C11orf71: variants seen among roughly 807,000 people sequenced by gnomAD.
C11orf71 encodes the protein uncharacterized protein C11orf71.
For missense variants in C11orf71, 179 were observed against 167.6 expected, an observed-to-expected ratio of 1.07 and a Z score of -0.38; for synonymous variants, 72 against 73.4, an observed-to-expected ratio of 0.98 and a Z score of 0.09.
chr11:114,391,840 T>C (rs1331524616), intron 1 of C11orf71, among the ~76,000 whole-genome samples: 1 of 151,874 alleles, frequency 6.6e-6, no homozygotes, highest in Non-Finnish European at 1.5e-5. Context: ...TATTATGTTG[T>C]TTTAAAACAT....
chr11:114,392,529 CAAAAAAAAAA>C (rs386374967), intron 1 of C11orf71, among the ~76,000 whole-genome samples: 1 of 51,688 alleles, frequency 1.9e-5, no homozygotes, highest in Non-Finnish European at 3.4e-5. Context: ...TAGAATGAGA[CAAAAAAAAAA>C]AAAAAAAAAA....
In C11orf71 at chr11:114,399,882, C is replaced by A. The variant is rs3741302; in HGVS notation, c.*78G>T. The A allele has an allele frequency of 0.42, 623,020 of 1,471,244 alleles. 133,451 individuals carry two copies. The highest frequency in any genetic ancestry group is 0.5 in the South Asian group (35,098 of 70,772). 91.1% of individuals were successfully genotyped at this position (1,471,244 alleles called of 1,614,324 possible). On this transcript the variant is annotated 3_prime_UTR_variant, in exon 1 of 1. Coordinates refer to ENST00000623205, the MANE Select transcript of C11orf71 (RefSeq NM_001271562.2). ...ACATCCATCTAAAAATAAAACAACA[C>A]GATTGCTGCTACACCAAGAAAGGAT...
downstream of C11orf71, among the ~76,000 whole-genome samples, chr11:114,394,272 C>CTTTTCTTTT: frequency 1.5e-5 from 1 of 64,570 alleles, no homozygotes; most frequent in Non-Finnish European, 2.8e-5. Context: ...CTTTTCTTTT[C>CTTTTCTTTT]TTTTCTTTTC....
chr11:114,394,294 T>TCTC (rs1449247620), downstream of C11orf71, among the ~76,000 whole-genome samples: 1,500 of 41,260 alleles, frequency 0.036, 138 homozygotes, highest in East Asian at 0.096. Context: ...TTTCTCTTAT[T>TCTC]TTCTTTTCTT....
chr11:114,400,029 G>C lies in C11orf71; in HGVS notation c.303C>G (p.Leu101=), dbSNP rs1396632205. Residue 101 remains leucine (L), a synonymous_variant, in exon 1 of 1, where the codon CTC becomes CTG. Transcript: ENST00000623205. ...AACGCTGTTGCAGCACACTTCTTAG[G>C]AGATCGGGTTCAACGGCAGGGATTG... ...PYPIPAVEPD[L]LRSVLQQRLI... The C allele has an allele frequency of 6.2e-7, 1 of 1,614,038 alleles. No individual in the cohort carries two copies. Among genetic ancestry groups the C allele is most frequent in the Admixed American group, 1.7e-5 (1 of 60,034 alleles).
In C11orf71 at chr11:114,400,334, T is replaced by G. The variant is rs368055793; in HGVS notation, c.-3A>C. The G allele has an allele frequency of 5.1e-4, 823 of 1,598,828 alleles. 8 individuals carry two copies. In the South Asian group the frequency reaches 6.8e-3, roughly 13 times the overall value. The stretch of plus-strand genomic sequence containing the variant: ...AGGGACACATTGTTCAGGGCCATAT[T>G]CAAACACTGCCCGCAGTACTTGCGT... On this transcript the variant is annotated 5_prime_UTR_variant, in exon 1 of 1. Transcript: ENST00000623205.
rs1290114536 is a variant in C11orf71, at chr11:114,393,392, A to C, written c.344-1727T>G. Among the ~76,000 whole-genome samples, 4 of 152,250 alleles carry C rather than the reference A, an allele frequency of 2.6e-5. No homozygotes were observed. In the East Asian group the frequency reaches 7.7e-4, roughly 29 times the overall value. ...AGTCCATTTAACTCTGCAATTGAGG[A>C]GCTTCTACTTCAATCGGAAGCAATT... On this transcript the variant is annotated intron_variant, in intron 1 of 1. Transcript: ENST00000325636.
chr11:114,399,980 CG>C lies in C11orf71; in HGVS notation c.351del (p.Ile117MetfsTer20). 3 of 1,601,366 alleles carry C rather than the reference CG, an allele frequency of 1.9e-6. No individual in the cohort carries two copies. The highest frequency in any genetic ancestry group is 2.6e-6 in the Non-Finnish European group (3 of 1,169,972). On this transcript the variant is annotated frameshift_variant, in exon 1 of 1. Coordinates refer to ENST00000623205, the MANE Select transcript of C11orf71 (RefSeq NM_001271562.2). LOFTEE classifies it high-confidence loss of function. ...TTCGTTTAAACTGAAATTCGAGCTG[CG>C]ATAACACCTCCTAATGCAATCAAAC... Reference protein sequence around the residue: ...QQRLIALGGVIAARISV With the variant: ...QQRLIALGGVXAARISV
chr11:114,394,179 G>GTTTCGTTTCTTTTCT (rs1946095549), downstream of C11orf71, among the ~76,000 whole-genome samples: 3 of 80,286 alleles, frequency 3.7e-5, no homozygotes, highest in Admixed American at 1.4e-4. Context: ...ACGGGGTTTC[G>GTTTCGTTTCTTTTCT]TTTCTTTTCT....
At position 114,400,404 on chromosome 11, in the gene C11orf71, G is replaced by A; in HGVS notation, c.-73C>T. The A allele has an allele frequency of 1.3e-6, 2 of 1,489,720 alleles. No individual in the cohort carries two copies. Among genetic ancestry groups the A allele is most frequent in the Non-Finnish European group, 1.8e-6 (2 of 1,117,378 alleles). 92.3% of individuals were successfully genotyped at this position (1,489,720 alleles called of 1,614,324 possible). A position where few individuals can be genotyped will look rare whatever the true frequency, so the allele number is the denominator to read the frequency against. On this transcript the variant is annotated 5_prime_UTR_variant, in exon 1 of 1. Coordinates refer to ENST00000623205, the MANE Select transcript of C11orf71 (RefSeq NM_001271562.2). Reference sequence around the variant, plus strand: ...AGGCCCTTCGCGGCTCCCCAGATCAGTCCAGCCTGTGTCGGACCCGATGAC... The same window carrying A: ...AGGCCCTTCGCGGCTCCCCAGATCAATCCAGCCTGTGTCGGACCCGATGAC...
chr11:114,399,904 G>C lies in C11orf71; in HGVS notation c.*56C>G. On this transcript the variant is annotated 3_prime_UTR_variant, in exon 1 of 1. Transcript: ENST00000623205. ...ACACGATTGCTGCTACACCAAGAAA[G>C]GATTTTAAAAAGGCCTGTTCACAAG... 6.6e-7 allele frequency: 1 copy of C among 1,511,386 alleles called. No homozygotes were observed. The highest frequency in any genetic ancestry group is 8.8e-7 in the Non-Finnish European group (1 of 1,132,300). The allele number at this position is 1,511,386 out of a possible 1,614,324, so 93.6% of individuals were successfully genotyped here.
Position 114,398,970 on chromosome 11 carries a change from AT to A in C11orf71, c.*989del, listed in dbSNP as rs1244918248. The A allele has an allele frequency of 6.6e-6, 1 of 151,840 alleles. No homozygotes were observed. The highest frequency in any genetic ancestry group is 1.9e-4 in the East Asian group (1 of 5,150). 9.4% of individuals were successfully genotyped at this position (151,840 alleles called of 1,614,324 possible). A position where few individuals can be genotyped will look rare whatever the true frequency, so the allele number is the denominator to read the frequency against. On this transcript the variant is annotated 3_prime_UTR_variant, in exon 1 of 1. Coordinates refer to ENST00000623205, the MANE Select transcript of C11orf71 (RefSeq NM_001271562.2). ...CCACCCTTTAAACATTGGGAAATGT[AT>A]GGTTAAGAGAACAAAAATAACAGCA...
rs1283348830 is a variant in C11orf71, at chr11:114,399,243, T to G, written c.*717A>C. 6.6e-6 allele frequency: 1 copy of G among 152,178 alleles called. No homozygotes were observed. Among genetic ancestry groups the G allele is most frequent in the African/African-American group, 2.4e-5 (1 of 41,432 alleles). 9.4% of individuals were successfully genotyped at this position (152,178 alleles called of 1,614,324 possible). A position where few individuals can be genotyped will look rare whatever the true frequency, so the allele number is the denominator to read the frequency against. On this transcript the variant is annotated 3_prime_UTR_variant, in exon 1 of 1. Transcript: ENST00000623205. The stretch of plus-strand genomic sequence containing the variant: ...TACAGGGATCCCCAAATATTGTTAG[T>G]TGAATGAACAAACACACATTTCAAG...
At chr11:114,394,289 CTTA>C (rs1441704658), downstream of C11orf71, among the ~76,000 whole-genome samples, 1 of 62,666 alleles carries the variant, frequency 1.6e-5, no homozygotes, top group African/African-American at 5.4e-5. Context: ...TTTCTTTTCT[CTTA>C]TTTTCTTTTC....
At chr11:114,394,169 A>C, downstream of C11orf71, among the ~76,000 whole-genome samples, 1 of 102,446 alleles carries the variant, frequency 9.8e-6, no homozygotes, top group Non-Finnish European at 2.1e-5. Flanking sequence ...TTTGGTAGAG[A>C]CGGGGTTTCG....
chr11:114,394,598 C>T (rs892549207), downstream of C11orf71, among the ~76,000 whole-genome samples: 4 of 151,354 alleles, frequency 2.6e-5, no homozygotes, highest in Non-Finnish European at 5.9e-5. Flanking sequence ...CCCAGCGAGA[C>T]GGGATTTCAC....
intron 1 of C11orf71, among the ~76,000 whole-genome samples, chr11:114,392,216 A>G (rs1946078210): frequency 6.6e-6 from 1 of 152,142 alleles, no homozygotes; most frequent in South Asian, 2.1e-4. Context: ...TAGCCTGGGA[A>G]ACATGGCGAA....
At chr11:114,397,430 A>AT (rs574846506), downstream of C11orf71, among the ~76,000 whole-genome samples, 16 of 152,326 alleles carry the variant, frequency 1.1e-4, no homozygotes, top group East Asian at 3.1e-3. Context: ...CGAGGGTCAC[A>AT]TTGTAACTTG....
At chr11:114,394,277 C>CTTTTCTTTTCTTTTCTTTTG (rs1946110255), downstream of C11orf71, among the ~76,000 whole-genome samples, 1 of 69,010 alleles carries the variant, frequency 1.4e-5, no homozygotes, top group African/African-American at 8.3e-5. Context: ...CTTTTCTTTT[C>CTTTTCTTTTCTTTTCTTTTG]TTTTCTTTTC....
Sources: gnomAD v4.1 joint callset for allele counts (sites outside exome capture counted in the v4.1 genomes callset) on GRCh38, gnomAD v4.1.1 for gene constraint, MANE v1.5 for transcripts, NCBI Gene and HGNC (gene_info 2026-07-23, HGNC 2026-07-21) for gene names.